MOB3B: variants seen among roughly 807,000 people sequenced by gnomAD.
MOB3B encodes the protein MOB kinase activator 3B, also known as MOB kinase activator-like 2B.
In MOB3B, 7 loss-of-function variants were observed where a neutral mutation model predicts 18.7. That is an observed-to-expected ratio of 0.37 (90% CI 0.21 to 0.70). MOB3B has a LOEUF of 0.70. MOB3B is among the 30% of genes least tolerant of loss of function. The pLI is 0.52. For missense variants in MOB3B, 253 were observed against 281.3 expected (o/e 0.90, Z 0.72); for synonymous variants, 111 against 99.9 (o/e 1.11, Z -0.66).
intron 3 of MOB3B, among the ~76,000 whole-genome samples, chr9:27,337,618 A>G (rs1205142268): frequency 1.3e-5 from 2 of 152,188 alleles, no homozygotes; most frequent in African/African-American, 4.8e-5. Flanking sequence ...TTCTTGGAGG[A>G]GTGATGAGGA....
chr9:27,388,754 C>T (rs887979411), intron 2 of MOB3B, among the ~76,000 whole-genome samples: 1 of 152,144 alleles, frequency 6.6e-6, no homozygotes, highest in Non-Finnish European at 1.5e-5. Flanking sequence ...CATGTTCCTG[C>T]CTTCAATCTC....
intron 2 of MOB3B, among the ~76,000 whole-genome samples, chr9:27,439,794 CA>C (rs35300635): frequency 0.2 from 30,323 of 151,644 alleles, 3,854 homozygotes; most frequent in African/African-American, 0.36. Flanking sequence ...TCTGGCATAG[CA>C]AAAAAAATGG....
At chr9:27,349,797 A>G (rs2131347022) in intron 3 of MOB3B, among the ~76,000 whole-genome samples, 1 of 152,344 alleles carries the variant, frequency 6.6e-6, no homozygotes, top group Admixed American at 6.5e-5. Flanking sequence ...TCAATAAAGT[A>G]GGAGAGAAGT....
chr9:27,491,029 GATA>G (rs1819809112), intron 1 of MOB3B, among the ~76,000 whole-genome samples: 1 of 151,542 alleles, frequency 6.6e-6, no homozygotes, highest in Admixed American at 6.6e-5. Context: ...AGAGGAAGAT[GATA>G]ATAATAGTGA....
intron 1 of MOB3B, among the ~76,000 whole-genome samples, chr9:27,506,832 A>ATT (rs71492749): frequency 0.015 from 1,769 of 120,450 alleles, 32 homozygotes; most frequent in African/African-American, 0.029. Flanking sequence ...ACCCCGGCTA[A>ATT]TTTTTTTTTT....
chr9:27,472,678 TAAAAAAAAAAAAAA>T (rs56092176), intron 1 of MOB3B, among the ~76,000 whole-genome samples: 1 of 98,910 alleles, frequency 1.0e-5, no homozygotes, highest in Non-Finnish European at 2.0e-5. Flanking sequence ...CACTTTATTC[TAAAAAAAAAAAAAA>T]AAAAAAAAAA....
Position 27,330,571 on chromosome 9 carries a change from AG to A in MOB3B, c.*15del, listed in dbSNP as rs1820771753. Reference sequence around the variant, plus strand: ...AGGAAACAGCTTTCCTTTCTTCCAAAGGGTGAGGTGGAGCATTAGTGACACA... The same window carrying A: ...AGGAAACAGCTTTCCTTTCTTCCAAAGGTGAGGTGGAGCATTAGTGACACA... On this transcript the variant is annotated 3_prime_UTR_variant, in exon 4 of 4. Transcript: ENST00000262244. 1.2e-6 allele frequency: 2 copies of A among 1,613,598 alleles called. No individual in the cohort carries two copies. The highest frequency in any genetic ancestry group is 1.7e-6 in the Non-Finnish European group (2 of 1,179,826).
chr9:27,358,580 C>T (rs1045858453), intron 3 of MOB3B, among the ~76,000 whole-genome samples: 1 of 152,210 alleles, frequency 6.6e-6, no homozygotes, highest in Admixed American at 6.5e-5. Flanking sequence ...GGAGTAAAAG[C>T]TGCCCAAAGG....
intron 2 of MOB3B, among the ~76,000 whole-genome samples, chr9:27,441,387 T>C (rs1366666398): frequency 6.6e-6 from 1 of 152,168 alleles, no homozygotes; most frequent in African/African-American, 2.4e-5. Flanking sequence ...GGCTTCTCTT[T>C]GGCATATCTG....
chr9:27,436,874 G>A (rs989051153), intron 2 of MOB3B, among the ~76,000 whole-genome samples: 2 of 151,942 alleles, frequency 1.3e-5, no homozygotes, highest in African/African-American at 4.8e-5. Context: ...AAATTTGAGC[G>A]GGGATCTGAA....
chr9:27,359,869 G>A (rs1395759049), intron 2 of MOB3B, among the ~76,000 whole-genome samples: 2 of 152,174 alleles, frequency 1.3e-5, no homozygotes, highest in Admixed American at 6.5e-5. Flanking sequence ...GCAACAAATT[G>A]CAGGATCGCA....
At chr9:27,417,291 G>A (rs1291248213) in intron 2 of MOB3B, among the ~76,000 whole-genome samples, 4 of 152,226 alleles carry the variant, frequency 2.6e-5, no homozygotes, top group Non-Finnish European at 4.4e-5. Context: ...GTGAACCTGG[G>A]AGGCGGAGCT....
intron 2 of MOB3B, among the ~76,000 whole-genome samples, chr9:27,428,261 GCA>G (rs1314657802): frequency 2.6e-5 from 4 of 152,122 alleles, no homozygotes; most frequent in African/African-American, 7.2e-5. Context: ...ACTGGAATGT[GCA>G]CAGAGACCAC....
chr9:27,420,159 A>C (rs1300878477), intron 2 of MOB3B, among the ~76,000 whole-genome samples: 2 of 152,082 alleles, frequency 1.3e-5, no homozygotes, highest in Non-Finnish European at 2.9e-5. Context: ...AAAAGAGTAG[A>C]TTTTGGCATG....
rs1386823059 is a variant in MOB3B, at chr9:27,329,943, T to C, written c.*644A>G. On this transcript the variant is annotated 3_prime_UTR_variant, in exon 4 of 4. Transcript: ENST00000262244. ...GGCAGAGACAAGCCACCCCATGGAG[T>C]GTCCCTGATAAAACTATTTATTAGG... 1 of 152,172 alleles carries C rather than the reference T, an allele frequency of 6.6e-6. No individual in the cohort carries two copies. The highest frequency in any genetic ancestry group is 1.5e-5 in the Non-Finnish European group (1 of 68,008). 9.4% of individuals were successfully genotyped at this position (152,172 alleles called of 1,614,324 possible).
chr9:27,522,700 G>C (rs945174309), intron 1 of MOB3B, among the ~76,000 whole-genome samples: 1 of 151,760 alleles, frequency 6.6e-6, no homozygotes, highest in Non-Finnish European at 1.5e-5. Context: ...CATTATTTCT[G>C]GGGAATCAGT....
chr9:27,475,991 C>T (rs1819548814), intron 1 of MOB3B, among the ~76,000 whole-genome samples: 1 of 152,218 alleles, frequency 6.6e-6, no homozygotes, highest in Non-Finnish European at 1.5e-5. Context: ...TCTTCAAGCC[C>T]TACAATGGCT....
intron 2 of MOB3B, among the ~76,000 whole-genome samples, chr9:27,383,589 C>G (rs6475993): frequency 0.32 from 48,989 of 152,008 alleles, 9,036 homozygotes; most frequent in East Asian, 0.78. Context: ...GGACAAGCTG[C>G]TTTTTTATAT....
chr9:27,337,134 A>G (rs947775917), intron 3 of MOB3B, among the ~76,000 whole-genome samples: 13 of 152,210 alleles, frequency 8.5e-5, no homozygotes, highest in African/African-American at 2.7e-4. Flanking sequence ...CAGAAGCCAC[A>G]TTTCTGGCTG....
Sources: allele counts gnomAD v4.1 joint callset (sites outside exome capture counted in the v4.1 genomes callset), GRCh38; gene constraint gnomAD v4.1.1; transcripts MANE v1.5; gene names NCBI Gene and HGNC (gene_info 2026-07-23, HGNC 2026-07-21).